SLC24A4: variants seen among roughly 807,000 people sequenced by gnomAD.
SLC24A4 encodes the protein sodium/potassium/calcium exchanger 4.
SLC24A4 carries 53 observed loss-of-function variants against 79.0 expected under a neutral mutation model. The observed-to-expected ratio is 0.67, with a 90% CI of 0.54 to 0.84. The LOEUF is 0.84. SLC24A4 is among the 40% of genes least tolerant of loss of function. The pLI, the probability that SLC24A4 is intolerant of heterozygous loss-of-function variation, is 0.00. For synonymous variants in SLC24A4, 323 were observed against 323.8 expected (o/e 1.00, Z 0.03); for missense variants, 731 against 822.0 (o/e 0.89, Z 1.35).
At chr14:92,396,341 C>A (rs1426247352) in intron 2 of SLC24A4, among the ~76,000 whole-genome samples, 2 of 152,166 alleles carry the variant, frequency 1.3e-5, no homozygotes. Flanking sequence ...TGCCCCTACT[C>A]CCTTCAATTT....
At chr14:92,449,547 G>A (rs922235743) in intron 10 of SLC24A4, among the ~76,000 whole-genome samples, 2 of 152,202 alleles carry the variant, frequency 1.3e-5, no homozygotes, top group Non-Finnish European at 1.5e-5. Flanking sequence ...GAATGCAGTG[G>A]TATCCCTGAC....
chr14:92,402,225 T>C (rs966413359), intron 2 of SLC24A4, among the ~76,000 whole-genome samples: 28 of 152,162 alleles, frequency 1.8e-4, no homozygotes, highest in Non-Finnish European at 3.5e-4. Flanking sequence ...AATACCTCCG[T>C]GAGGCAGGCA....
At chr14:92,409,599 T>C (rs1890596365) in intron 2 of SLC24A4, among the ~76,000 whole-genome samples, 1 of 152,160 alleles carries the variant, frequency 6.6e-6, no homozygotes, top group Non-Finnish European at 1.5e-5. Flanking sequence ...AAACAAAATA[T>C]TACCAGACTG....
At chr14:92,338,531 A>ACCAT (rs1190408507) in intron 2 of SLC24A4, among the ~76,000 whole-genome samples, 1 of 152,108 alleles carries the variant, frequency 6.6e-6, no homozygotes, top group East Asian at 1.9e-4. Context: ...AAAGAGAAAG[A>ACCAT]CCATTCACAC....
Position 92,497,991 on chromosome 14 carries a change from A to G in SLC24A4, c.*4363A>G, listed in dbSNP as rs2139962903. 1 of 152,304 alleles carries G rather than the reference A, an allele frequency of 6.6e-6. No homozygotes were observed. The highest frequency in any genetic ancestry group is 6.5e-5 in the Admixed American group (1 of 15,302). 9.4% of individuals were successfully genotyped at this position (152,304 alleles called of 1,614,324 possible). ...TCAAGACGTGATTTCCATGGGAACC[A>G]TCCTCCCCTGGGGGCAGTTAGCAGG... On this transcript the variant is annotated 3_prime_UTR_variant, in exon 17 of 17. Transcript: ENST00000532405.
At chr14:92,401,875 G>A (rs1890131832) in intron 2 of SLC24A4, among the ~76,000 whole-genome samples, 1 of 152,098 alleles carries the variant, frequency 6.6e-6, no homozygotes, top group Non-Finnish European at 1.5e-5. Context: ...TTTTCTTGGT[G>A]TCCAGACCAG....
chr14:92,423,213 C>T (rs537704820), intron 2 of SLC24A4, among the ~76,000 whole-genome samples: 8 of 152,260 alleles, frequency 5.3e-5, no homozygotes, highest in Non-Finnish European at 1.0e-4. Context: ...GGCACGATCT[C>T]GGCTCACTGC....
chr14:92,419,396 G>T (rs1456616077), intron 2 of SLC24A4, among the ~76,000 whole-genome samples: 1 of 152,214 alleles, frequency 6.6e-6, no homozygotes, highest in African/African-American at 2.4e-5. Flanking sequence ...GCACCATGCT[G>T]TAGCAGCTAC....
chr14:92,371,779 G>T (rs1474809774), intron 2 of SLC24A4, among the ~76,000 whole-genome samples: 1 of 152,248 alleles, frequency 6.6e-6, no homozygotes, highest in East Asian at 1.9e-4. Context: ...AACCACTTCA[G>T]TATGATGGCA....
rs1308878016 is a variant in SLC24A4 at position 92,408,455 on chromosome 14, A to T, written c.242-25457A>T. The T allele has an allele frequency of 5.1e-6, 5 of 984,048 alleles. No individual in the cohort carries two copies. In the African/African-American group the frequency reaches 8.7e-5, roughly 17 times the overall value. The allele number at this position is 984,048 out of a possible 1,614,324, so 61.0% of individuals were successfully genotyped here. ...AACATGTGAGTTTATTTTACCTTGGAAGCCTTCATAGGTGGGCTGATTGTT... is the reference window on the plus strand; with the variant it reads ...AACATGTGAGTTTATTTTACCTTGGTAGCCTTCATAGGTGGGCTGATTGTT... On this transcript the variant is annotated intron_variant, in intron 2 of 16. Coordinates refer to ENST00000532405, the MANE Select transcript of SLC24A4 (RefSeq NM_153646.4).
chr14:92,387,909 T>C (rs61975644), intron 2 of SLC24A4, among the ~76,000 whole-genome samples: 11,494 of 152,342 alleles, frequency 0.075, 504 homozygotes, highest in Non-Finnish European at 0.086. Flanking sequence ...ATAATTCCAC[T>C]GTATATGTGT....
chr14:92,442,598 CG>C, intron 5 of SLC24A4, 114 bp from the exon 6 acceptor site: 3 of 706,700 alleles, frequency 4.2e-6, no homozygotes, highest in Non-Finnish European at 7.5e-6. Context: ...TTCCGCTTCA[CG>C]GGTGCTCTGT....
At chr14:92,345,804 C>T (rs535527976) in intron 2 of SLC24A4, among the ~76,000 whole-genome samples, 5 of 152,332 alleles carry the variant, frequency 3.3e-5, no homozygotes, top group South Asian at 2.1e-4. Context: ...CACCCACCCC[C>T]TGTATGCCAG....
intron 2 of SLC24A4, among the ~76,000 whole-genome samples, chr14:92,382,107 T>TACAC (rs149711239): frequency 1.3e-5 from 2 of 151,462 alleles, no homozygotes; most frequent in Admixed American, 6.6e-5. Context: ...TATATAAACA[T>TACAC]ACACACACAC....
intron 9 of SLC24A4, among the ~76,000 whole-genome samples, chr14:92,448,728 G>A (rs372220978): frequency 1.3e-5 from 2 of 152,246 alleles, no homozygotes; most frequent in East Asian, 3.9e-4. Flanking sequence ...GACAGGCCTG[G>A]TAATGCCCCC....
rs1053942938 is a variant in SLC24A4 at position 92,494,542 on chromosome 14, C to T, written c.*914C>T. On this transcript the variant is annotated 3_prime_UTR_variant, in exon 17 of 17. Transcript: ENST00000532405. The surrounding 1 kb of genome is among the most constrained non-coding windows in gnomAD (Gnocchi z 4.6). The stretch of plus-strand genomic sequence containing the variant: ...TAGTTTACAGCTGTACTTTCCAGAT[C>T]TTCTATGTGACACAATGCACTGTCC... 2 of 152,212 alleles carry T rather than the reference C, an allele frequency of 1.3e-5. No homozygotes were observed. The highest frequency in any genetic ancestry group is 4.8e-5 in the African/African-American group (2 of 41,456). The allele number at this position is 152,212 out of a possible 1,614,324, so 9.4% of individuals were successfully genotyped here. A position where few individuals can be genotyped will look rare whatever the true frequency, so the allele number is the denominator to read the frequency against.
At position 92,365,199 on chromosome 14, in the gene SLC24A4, G is replaced by A. The variant is rs192543919; in HGVS notation, c.241+39221G>A. Among the ~76,000 whole-genome samples the A allele has an allele frequency of 6.9e-3, 1,050 of 152,356 alleles. 6 individuals carry two copies. Among genetic ancestry groups the A allele is most frequent in the Non-Finnish European group, 0.011 (734 of 68,032 alleles). ...CGGAGGGCAAGGACTGTGTGCCGTC[G>A]TTGGCTTATATTGCCTGGCACACAC... On this transcript the variant is annotated intron_variant, in intron 2 of 16. Transcript: ENST00000532405.
At chr14:92,491,435 G>T (rs1201289622) in intron 14 of SLC24A4, among the ~76,000 whole-genome samples, 2 of 152,104 alleles carry the variant, frequency 1.3e-5, no homozygotes, top group Non-Finnish European at 2.9e-5. Flanking sequence ...AGGTACTGAG[G>T]GTTAGAACTT....
chr14:92,464,157 G>A (rs1893969134), intron 12 of SLC24A4, among the ~76,000 whole-genome samples: 1 of 152,180 alleles, frequency 6.6e-6, no homozygotes, highest in South Asian at 2.1e-4. Flanking sequence ...CGAAATGAAA[G>A]CAATATTCTT....
Sources: allele counts gnomAD v4.1 joint callset (sites outside exome capture counted in the v4.1 genomes callset), GRCh38; gene constraint gnomAD v4.1.1; non-coding constraint Gnocchi (gnomAD v3.1); transcripts MANE v1.5; gene names NCBI Gene and HGNC (gene_info 2026-07-23, HGNC 2026-07-21).